Variants in ERC1 observed in about 807,000 individuals in gnomAD.
The protein encoded by ERC1 is RAB6 interacting protein 2.
A neutral mutation model predicts 132.0 loss-of-function variants in ERC1; 56 were observed. That is an observed-to-expected ratio of 0.42 (90% CI 0.34 to 0.53). The LOEUF (loss-of-function observed/expected upper bound fraction) is 0.53. Ranked by LOEUF, ERC1 falls within the 20% of genes least tolerant of loss-of-function variation. The probability of loss-of-function intolerance (pLI) is 0.03; values close to 1 mark genes in which losing one functional copy is unlikely to be tolerated. For synonymous variants in ERC1, 478 were observed against 476.1 expected (o/e 1.00, Z -0.05); for missense variants, 1,202 against 1,349.9 (o/e 0.89, Z 1.72).
chr12:1,101,865 A>T (rs1371476941), intron 3 of ERC1, among the ~76,000 whole-genome samples: 4 of 152,218 alleles, frequency 2.6e-5, no homozygotes, highest in Non-Finnish European at 5.9e-5. Flanking sequence ...CTTCCTGCTG[A>T]TGGAGCCCGT....
At chr12:1,436,809 T>TC (rs1283544017) in intron 17 of ERC1, among the ~76,000 whole-genome samples, 1 of 152,164 alleles carries the variant, frequency 6.6e-6, no homozygotes, top group Admixed American at 6.6e-5. Context: ...TCCTTTGAAA[T>TC]CCAGCGTCAG....
chr12:1,224,491 G>A (rs2074400716), intron 12 of ERC1, among the ~76,000 whole-genome samples: 1 of 151,934 alleles, frequency 6.6e-6, no homozygotes, highest in East Asian at 1.9e-4. Flanking sequence ...GAAAATCAAA[G>A]ACCAAAAACT....
chr12:1,207,720 G>GT (rs1175400507), intron 12 of ERC1, among the ~76,000 whole-genome samples: 1 of 152,062 alleles, frequency 6.6e-6, no homozygotes, highest in African/African-American at 2.4e-5. Flanking sequence ...AATGGTAAAT[G>GT]TTTTTTTAGA....
chr12:1,141,646 A>G lies in ERC1; in HGVS notation c.1596A>G (p.Glu532=), dbSNP rs1949874979. The change falls in exon 8 of 19, where the codon GAA becomes GAG. Residue 532 remains glutamate (E), a synonymous_variant. Coordinates refer to ENST00000360905, the MANE Select transcript of ERC1 (RefSeq NM_178040.4). Reference sequence around the variant, plus strand: ...TGGATGCTCTCCGATTGCGTTTGGAAGAGAAGGAAACCATGTTGAATAAAA... The same window carrying G: ...TGGATGCTCTCCGATTGCGTTTGGAGGAGAAGGAAACCATGTTGAATAAAA... ...TEVDALRLRL[E]EKETMLNKKT... is the part of the protein sequence containing the mutation. 6.2e-7 allele frequency: 1 copy of G among 1,612,026 alleles called. No homozygotes were observed. The highest frequency in any genetic ancestry group is 1.7e-4 in the Middle Eastern group (1 of 6,054).
chr12:1,261,896 A>G (rs2154323432), intron 13 of ERC1, among the ~76,000 whole-genome samples: 1 of 152,348 alleles, frequency 6.6e-6, no homozygotes, highest in South Asian at 2.1e-4. Context: ...AGATTTATCA[A>G]CTGTTCATTA....
At chr12:1,115,259 TC>T (rs1338452424) in intron 6 of ERC1, among the ~76,000 whole-genome samples, 1 of 152,168 alleles carries the variant, frequency 6.6e-6, no homozygotes, top group African/African-American at 2.4e-5. Context: ...GAGAAATTAA[TC>T]AATACACATA....
chr12:1,184,805 T>A (rs1954885890), intron 11 of ERC1, among the ~76,000 whole-genome samples: 1 of 152,158 alleles, frequency 6.6e-6, no homozygotes, highest in Non-Finnish European at 1.5e-5. Flanking sequence ...CAGGCTGGAG[T>A]GCAGTGGCGT....
chr12:1,134,417 GCTCAC>G, intron 7 of ERC1, among the ~76,000 whole-genome samples: 1 of 151,312 alleles, frequency 6.6e-6, no homozygotes, highest in African/African-American at 2.4e-5. Flanking sequence ...TGTGATCATA[GCTCAC>G]TGCAGCCTTG....
At chr12:1,410,529 C>A in intron 17 of ERC1, 1 of 494,258 alleles carries the variant, frequency 2.0e-6, no homozygotes, top group Non-Finnish European at 3.4e-6. Context: ...GTAACTCTCA[C>A]ATCTCATTTC....
chr12:1,441,799 T>A (rs75507030), intron 17 of ERC1, among the ~76,000 whole-genome samples: 5,179 of 152,244 alleles, frequency 0.034, 141 homozygotes, highest in African/African-American at 0.068. Flanking sequence ...ATCATGGGGG[T>A]GTAGTAACAG....
At chr12:1,309,936 G>GTT (rs1354918746) in intron 15 of ERC1, among the ~76,000 whole-genome samples, 1 of 144,288 alleles carries the variant, frequency 6.9e-6, no homozygotes, top group African/African-American at 2.6e-5. Context: ...GTTTTCTTTT[G>GTT]TTTTGTTTTG....
At chr12:1,413,895 C>T (rs2091975519) in intron 17 of ERC1, among the ~76,000 whole-genome samples, 1 of 152,210 alleles carries the variant, frequency 6.6e-6, no homozygotes, top group African/African-American at 2.4e-5. Context: ...CTTTCTGGCA[C>T]CAGGAACCGG....
intron 4 of ERC1, among the ~76,000 whole-genome samples, chr12:1,107,435 G>T (rs913271330): frequency 1.3e-5 from 2 of 152,168 alleles, no homozygotes; most frequent in African/African-American, 4.8e-5. Context: ...GGGAGAAAAT[G>T]TAAAAGTTAG....
intron 15 of ERC1, among the ~76,000 whole-genome samples, chr12:1,301,212 G>A (rs572173918): frequency 3.3e-5 from 5 of 152,014 alleles, no homozygotes; most frequent in African/African-American, 9.6e-5. Flanking sequence ...GGAAGATATG[G>A]ATAAAAATCT....
chr12:1,146,765 C>G (rs962745070), intron 8 of ERC1, among the ~76,000 whole-genome samples: 2 of 125,534 alleles, frequency 1.6e-5, no homozygotes, highest in African/African-American at 4.3e-5. Flanking sequence ...CTAATGCTAT[C>G]CCTCCCCCAA....
intron 4 of ERC1, among the ~76,000 whole-genome samples, chr12:1,106,737 A>G (rs2154200529): frequency 6.6e-6 from 1 of 152,264 alleles, no homozygotes; most frequent in East Asian, 1.9e-4. Context: ...TTAACACCTA[A>G]GAATAAAACA....
intron 8 of ERC1, among the ~76,000 whole-genome samples, chr12:1,159,075 AT>A (rs1332841102): frequency 6.6e-6 from 1 of 152,216 alleles, no homozygotes; most frequent in Non-Finnish European, 1.5e-5. Context: ...GGAAGTACAT[AT>A]GGCAAATAAA....
At chr12:1,042,782 A>G (rs1196931465) in intron 2 of ERC1, among the ~76,000 whole-genome samples, 2 of 152,140 alleles carry the variant, frequency 1.3e-5, no homozygotes, top group African/African-American at 4.8e-5. Context: ...GGGAGAATAC[A>G]TTCAAAAAAT....
intron 2 of ERC1, among the ~76,000 whole-genome samples, chr12:1,059,251 T>C (rs1193238949): frequency 6.6e-6 from 1 of 152,226 alleles, no homozygotes; most frequent in Non-Finnish European, 1.5e-5. Context: ...CTTTAGGTTT[T>C]TCTAGATATA....
Sources: allele counts gnomAD v4.1 joint callset (sites outside exome capture counted in the v4.1 genomes callset), GRCh38; gene constraint gnomAD v4.1.1; transcripts MANE v1.5; gene names NCBI Gene and HGNC (gene_info 2026-07-23, HGNC 2026-07-21).